The following ARHGAP26 variants were observed in gnomAD, a reference collection of about 807,000 sequenced individuals.
The protein encoded by ARHGAP26 is Rho GTPase activating protein 26.
A neutral mutation model predicts 104.8 loss-of-function variants in ARHGAP26; 38 were observed. The ratio of observed to expected loss-of-function variants is 0.36; its 90% CI spans 0.28 to 0.48. The LOEUF is 0.48. Among genes scored for constraint, ARHGAP26 ranks in the 20% least tolerant of loss-of-function variants. The pLI, the probability that ARHGAP26 is intolerant of heterozygous loss-of-function variation, is 0.99. For synonymous variants in ARHGAP26, 341 were observed against 340.0 expected (o/e 1.00, Z -0.03); for missense variants, 704 against 947.9 (o/e 0.74, Z 3.38).
chr5:142,811,443 C>T lies in ARHGAP26; in HGVS notation c.154+40528C>T, dbSNP rs149447938. 4.7e-4 allele frequency among the ~76,000 whole-genome samples: 72 copies of T among 152,234 alleles called. No individual in the cohort carries two copies. The East Asian group carries it at 9.8e-3, about 21-fold the overall frequency. ...AGAAGCTGAGAGTGTGGGCTCTGGA[C>T]GCCGACAGCATGGCTTCCAATCCTG... is the stretch of plus-strand genomic sequence containing the variant. On this transcript the variant is annotated intron_variant, in intron 1 of 22. Transcript: ENST00000645722.
intron 2 of ARHGAP26, 66 bp downstream of exon 2, chr5:142,873,561 G>C: frequency 8.7e-7 from 1 of 1,149,998 alleles, no homozygotes; most frequent in Non-Finnish European, 1.2e-6. Flanking sequence ...TGTCCCAGCA[G>C]AGCCTTTTCC....
intron 1 of ARHGAP26, among the ~76,000 whole-genome samples, chr5:142,812,708 A>G (rs1764341729): frequency 6.6e-6 from 1 of 151,844 alleles, no homozygotes; most frequent in African/African-American, 2.4e-5. Flanking sequence ...AGCTAATTAA[A>G]AAAAATTTTT....
chr5:143,061,754 A>T (rs896909105), intron 17 of ARHGAP26, among the ~76,000 whole-genome samples: 1 of 152,196 alleles, frequency 6.6e-6, no homozygotes, highest in African/African-American at 2.4e-5. Flanking sequence ...GGTTATTTTC[A>T]TGTTCCTGCT....
At chr5:142,923,447 A>G (rs1297874912) in intron 10 of ARHGAP26, among the ~76,000 whole-genome samples, 1 of 152,136 alleles carries the variant, frequency 6.6e-6, no homozygotes, top group Non-Finnish European at 1.5e-5. Context: ...CAGAAGCTAT[A>G]TTTTCATAGT....
chr5:143,141,020 G>A (rs1798457542), intron 19 of ARHGAP26, among the ~76,000 whole-genome samples: 2 of 152,196 alleles, frequency 1.3e-5, no homozygotes, highest in Admixed American at 1.3e-4. Context: ...CCTTTCTCAG[G>A]TTGCCTTTGC....
chr5:142,978,905 A>G lies in ARHGAP26; in HGVS notation c.1108-35175A>G, dbSNP rs538793986. Among the ~76,000 whole-genome samples, 3 of 152,324 alleles carry G rather than the reference A, an allele frequency of 2.0e-5. No homozygotes were observed. In the South Asian group the frequency reaches 6.2e-4, roughly 32 times the overall value. ...TACCACATTTATTTTTGAAAAAGGA[A>G]TTAAAGCATTGCTGATTCATATCCT... On this transcript the variant is annotated intron_variant, in intron 11 of 22. Transcript: ENST00000645722.
rs1419600545 is a variant in ARHGAP26, at chr5:143,224,636, T to C, written c.*2190T>C. 1 of 230,700 alleles carries C rather than the reference T, an allele frequency of 4.3e-6. No individual in the cohort carries two copies. Among genetic ancestry groups the C allele is most frequent in the Admixed American group, 5.7e-5 (1 of 17,694 alleles). The allele number at this position is 230,700 out of a possible 1,614,324, so 14.3% of individuals were successfully genotyped here. On this transcript the variant is annotated 3_prime_UTR_variant, in exon 23 of 23. Transcript: ENST00000645722. ...TCCACATCTTCTGAGGCTTTAGAAA[T>C]GTGGACAAGCTAGTTTTCAAATTTT...
At chr5:143,121,394 G>A (rs1483525979) in intron 18 of ARHGAP26, among the ~76,000 whole-genome samples, 1 of 152,100 alleles carries the variant, frequency 6.6e-6, no homozygotes, top group Non-Finnish European at 1.5e-5. Flanking sequence ...AAAATTGATT[G>A]AGCATTATGT....
At chr5:142,969,586 C>T (rs879922368) in intron 11 of ARHGAP26, among the ~76,000 whole-genome samples, 6 of 152,168 alleles carry the variant, frequency 3.9e-5, no homozygotes, top group Non-Finnish European at 5.9e-5. Context: ...TTTGTCTTTT[C>T]CATGAATAAT....
intron 11 of ARHGAP26, chr5:142,969,312 C>T (rs1427646094): frequency 4.6e-5 from 7 of 152,182 alleles, no homozygotes; most frequent in Non-Finnish European, 1.0e-4. Context: ...GCCATTTCCT[C>T]ATTTCAGGAA....
At chr5:142,909,015 G>A (rs189427281) in intron 9 of ARHGAP26, 1 of 158,016 alleles carries the variant, frequency 6.3e-6, no homozygotes, top group East Asian at 1.9e-4. Flanking sequence ...CCCTAGCTTT[G>A]ATTTTTTTCT....
chr5:142,950,161 G>C (rs747739350), intron 11 of ARHGAP26, among the ~76,000 whole-genome samples: 1 of 152,060 alleles, frequency 6.6e-6, no homozygotes, highest in Non-Finnish European at 1.5e-5. Flanking sequence ...AAACTTTTAG[G>C]TATGGGTAGG....
At chr5:143,069,834 A>T (rs1047412074) in intron 17 of ARHGAP26, among the ~76,000 whole-genome samples, 1 of 152,238 alleles carries the variant, frequency 6.6e-6, no homozygotes, top group Non-Finnish European at 1.5e-5. Context: ...AGATAAGACC[A>T]TCATCATAAT....
chr5:143,119,909 G>T (rs246609), intron 17 of ARHGAP26, among the ~76,000 whole-genome samples: 151,740 of 151,996 alleles, frequency 1, 75,745 homozygotes, highest in Middle Eastern at 1. Flanking sequence ...AAAAAAAGTG[G>T]ACCAGAGAAA....
intron 11 of ARHGAP26, among the ~76,000 whole-genome samples, chr5:142,991,147 C>G (rs1775553181): frequency 1.3e-5 from 2 of 152,220 alleles, no homozygotes; most frequent in African/African-American, 4.8e-5. Context: ...TTTACCTACT[C>G]AAGCCTCAGC....
Position 143,012,552 on chromosome 5 carries a change from CAT to C in ARHGAP26, c.1108-1505_1108-1504del, listed in dbSNP as rs3073231. Among the ~76,000 whole-genome samples the C allele has an allele frequency of 3.2e-3, 67 of 20,824 alleles. 11 individuals carry two copies. The highest frequency in any genetic ancestry group is 0.02 in the East Asian group (31 of 1,570). 13.7% of individuals were successfully genotyped at this position (20,824 alleles called of 152,430 possible). ...AGGGATATATTTATATACATACATA[CAT>C]ATATATATATATATATATATATTAT... On this transcript the variant is annotated intron_variant, in intron 11 of 22. Coordinates refer to ENST00000645722, the MANE Select transcript of ARHGAP26 (RefSeq NM_001135608.3).
chr5:142,860,055 A>G (rs1231153368), intron 1 of ARHGAP26: 1 of 152,212 alleles, frequency 6.6e-6, no homozygotes, highest in African/African-American at 2.4e-5. Context: ...GTCCACCAGA[A>G]TTCTGTGCAC....
At chr5:143,074,825 C>T (rs1788757911) in intron 17 of ARHGAP26, among the ~76,000 whole-genome samples, 1 of 152,238 alleles carries the variant, frequency 6.6e-6, no homozygotes, top group Admixed American at 6.5e-5. Flanking sequence ...ATATCACATG[C>T]CTACAGCATG....
intron 1 of ARHGAP26, among the ~76,000 whole-genome samples, chr5:142,771,705 T>C (rs2151787026): frequency 6.6e-6 from 1 of 152,358 alleles, no homozygotes; most frequent in East Asian, 1.9e-4. Context: ...TGAGAAGGAA[T>C]ATCCATAATT....
Sources: gnomAD v4.1 joint callset for allele counts (sites outside exome capture counted in the v4.1 genomes callset) on GRCh38, gnomAD v4.1.1 for gene constraint, MANE v1.5 for transcripts, NCBI Gene and HGNC (gene_info 2026-07-23, HGNC 2026-07-21) for gene names.